The following TMEM200A variants were observed in gnomAD, a reference collection of about 807,000 sequenced individuals.
TMEM200A encodes the protein transmembrane protein 200A, also known as two transmembrane C.
Under a neutral mutation model 24.3 loss-of-function variants are expected in TMEM200A, and 12 were observed. The observed-to-expected ratio is 0.49, with a 90% CI of 0.32 to 0.80. The LOEUF is 0.80. Ranked by LOEUF, TMEM200A falls within the 30% of genes least tolerant of loss-of-function variation. The probability of loss-of-function intolerance (pLI) is 0.04; values close to 1 mark genes in which losing one functional copy is unlikely to be tolerated. For missense variants in TMEM200A, 545 were observed against 614.4 expected, an observed-to-expected ratio of 0.89 and a Z score of 1.19; for synonymous variants, 224 against 224.4, an observed-to-expected ratio of 1.00 and a Z score of 0.02.
intron 2 of TMEM200A, among the ~76,000 whole-genome samples, chr6:130,408,886 A>G (rs1583205500): frequency 6.6e-6 from 1 of 152,142 alleles, no homozygotes; most frequent in Non-Finnish European, 1.5e-5. Flanking sequence ...TAGTTGGCCA[A>G]CAGCCTGTAG....
intron 1 of TMEM200A, among the ~76,000 whole-genome samples, chr6:130,379,652 C>G (rs543020250): frequency 1.3e-5 from 2 of 152,252 alleles, no homozygotes; most frequent in East Asian, 1.9e-4. Context: ...ATAGACTGGC[C>G]AGAACCAGTT....
intron 1 of TMEM200A, among the ~76,000 whole-genome samples, chr6:130,373,999 T>C (rs551835725): frequency 3.3e-4 from 50 of 149,912 alleles, no homozygotes; most frequent in African/African-American, 1.2e-3. Flanking sequence ...ATGTAAGATA[T>C]TGTGATTCAT....
chr6:130,371,288 T>A (rs2115066005), intron 1 of TMEM200A, among the ~76,000 whole-genome samples: 1 of 152,306 alleles, frequency 6.6e-6, no homozygotes, highest in South Asian at 2.1e-4. Context: ...TTACCAAGGA[T>A]CTACTTAGTA....
chr6:130,441,442 C>T lies in TMEM200A; in HGVS notation c.1020C>T (p.Pro340=), dbSNP rs544062748. The part of the protein sequence containing the change: ...PLPNTSESFQ[P]VSTVLPRNNS... ...CCAACACCAGTGAATCCTTCCAGCC[C>T]GTCAGCACAGTGCTACCAAGGAATA... is the stretch of plus-strand genomic sequence containing the variant. The change falls in exon 3 of 3, where the codon CCC becomes CCT. Residue 340 remains proline (P), a synonymous_variant. Coordinates refer to ENST00000296978, the MANE Select transcript of TMEM200A (RefSeq NM_001258277.2). 1.7e-5 allele frequency: 27 copies of T among 1,614,048 alleles called. 1 individual carries two copies. Among genetic ancestry groups the T allele is most frequent in the South Asian group, 1.4e-4 (13 of 91,076 alleles).
chr6:130,414,300 T>A (rs776095323), intron 2 of TMEM200A, among the ~76,000 whole-genome samples: 1 of 151,596 alleles, frequency 6.6e-6, no homozygotes, highest in Non-Finnish European at 1.5e-5. Context: ...GGTGTGGTGT[T>A]GGGCGCCTGT....
chr6:130,442,032 C>G lies in TMEM200A; in HGVS notation c.*134C>G. ...GTGTATTAGAATTGGCTGCTTAGTTCTGTAATGAAGATGGTTGTATGTTTG... is the reference window on the plus strand; with the variant it reads ...GTGTATTAGAATTGGCTGCTTAGTTGTGTAATGAAGATGGTTGTATGTTTG... On this transcript the variant is annotated 3_prime_UTR_variant, in exon 3 of 3. Transcript: ENST00000296978. 1.2e-6 allele frequency: 1 copy of G among 855,130 alleles called. No homozygotes were observed. The allele number at this position is 855,130 out of a possible 1,614,324, so 53.0% of individuals were successfully genotyped here.
At chr6:130,379,680 C>T (rs1233571683) in intron 1 of TMEM200A, among the ~76,000 whole-genome samples, 1 of 152,132 alleles carries the variant, frequency 6.6e-6, no homozygotes, top group Non-Finnish European at 1.5e-5. Context: ...CTAGTTAGGG[C>T]ATGAGTTCAG....
chr6:130,371,346 A>G (rs768360591), intron 1 of TMEM200A, among the ~76,000 whole-genome samples: 1 of 152,180 alleles, frequency 6.6e-6, no homozygotes, highest in Admixed American at 6.5e-5. Flanking sequence ...TAATGTTTAT[A>G]TAAAGTCAGG....
At chr6:130,383,616 CTTTTAA>C (rs1428657096) in intron 1 of TMEM200A, among the ~76,000 whole-genome samples, 1 of 152,050 alleles carries the variant, frequency 6.6e-6, no homozygotes, top group African/African-American at 2.4e-5. Flanking sequence ...TTTTAGTTTC[CTTTTAA>C]TTTTTAGTGT....
rs142954949 is a variant in TMEM200A at position 130,367,089 on chromosome 6, T to G, written c.-81+565T>G. 7.7e-3 allele frequency among the ~76,000 whole-genome samples: 1,170 copies of G among 152,374 alleles called. 15 individuals are homozygous for G. The highest frequency in any genetic ancestry group is 0.023 in the African/African-American group (947 of 41,586). ...CACTTCACATTGTGTAGGCGCAAGC[T>G]CTCTGTGTGTATTTACCGCTGTTTG... is the stretch of plus-strand genomic sequence containing the variant. On this transcript the variant is annotated intron_variant, in intron 1 of 2. Transcript: ENST00000296978.
chr6:130,436,131 T>C (rs1231223189), intron 2 of TMEM200A, among the ~76,000 whole-genome samples: 3 of 152,084 alleles, frequency 2.0e-5, no homozygotes, highest in African/African-American at 7.2e-5. Context: ...CCCCTCCCCA[T>C]CTCAAATGGG....
At chr6:130,367,130 T>C (rs1315917381) in intron 1 of TMEM200A, among the ~76,000 whole-genome samples, 1 of 152,186 alleles carries the variant, frequency 6.6e-6, no homozygotes, top group Non-Finnish European at 1.5e-5. Flanking sequence ...GAAAAATGTG[T>C]GTGTGTTTGT....
At chr6:130,393,814 G>A (rs1299023454) in intron 2 of TMEM200A, among the ~76,000 whole-genome samples, 3 of 152,118 alleles carry the variant, frequency 2.0e-5, no homozygotes, top group South Asian at 2.1e-4. Flanking sequence ...CTGAAAAGAA[G>A]AAATCCTGAT....
At chr6:130,412,439 T>A (rs947902557) in intron 2 of TMEM200A, among the ~76,000 whole-genome samples, 2 of 151,658 alleles carry the variant, frequency 1.3e-5, no homozygotes, top group Non-Finnish European at 2.9e-5. Flanking sequence ...CCACAGGGAG[T>A]CCCATCTCAG....
At chr6:130,389,647 A>G (rs1035886254) in intron 2 of TMEM200A, among the ~76,000 whole-genome samples, 45 of 146,756 alleles carry the variant, frequency 3.1e-4, no homozygotes, top group Middle Eastern at 3.6e-3. Flanking sequence ...AACACCAATA[A>G]TAACAATAAT....
In TMEM200A at chr6:130,442,083, T is replaced by C. The variant is rs1780208784; in HGVS notation, c.*185T>C. 4 of 479,662 alleles carry C rather than the reference T, an allele frequency of 8.3e-6. No homozygotes were observed. Among genetic ancestry groups the C allele is most frequent in the Non-Finnish European group, 1.5e-5 (4 of 269,094 alleles). 29.7% of individuals were successfully genotyped at this position (479,662 alleles called of 1,614,324 possible). ...GGTTACTTGTGACTGCAGTACTCTA[T>C]GTTACCACACATGATTTTATTTTTC... On this transcript the variant is annotated 3_prime_UTR_variant, in exon 3 of 3. Coordinates refer to ENST00000296978, the MANE Select transcript of TMEM200A (RefSeq NM_001258277.2).
At chr6:130,435,320 C>G (rs935725721) in intron 2 of TMEM200A, among the ~76,000 whole-genome samples, 1 of 152,080 alleles carries the variant, frequency 6.6e-6, no homozygotes, top group Non-Finnish European at 1.5e-5. Context: ...TTGACAAAAT[C>G]ATGATCTCTT....
At chr6:130,394,682 A>T (rs1401760085) in intron 2 of TMEM200A, among the ~76,000 whole-genome samples, 6 of 152,334 alleles carry the variant, frequency 3.9e-5, no homozygotes, top group East Asian at 3.9e-4. Context: ...GTCAAAAGGT[A>T]CATACAAAGC....
intron 2 of TMEM200A, among the ~76,000 whole-genome samples, chr6:130,396,144 T>A (rs928735166): frequency 5.9e-5 from 9 of 152,206 alleles, no homozygotes; most frequent in Non-Finnish European, 1.0e-4. Flanking sequence ...TACTCTCAGA[T>A]TTTTTATCTA....
Sources: gnomAD v4.1 joint callset for allele counts (sites outside exome capture counted in the v4.1 genomes callset) on GRCh38, gnomAD v4.1.1 for gene constraint, MANE v1.5 for transcripts, NCBI Gene and HGNC (gene_info 2026-07-23, HGNC 2026-07-21) for gene names.